NFIX: variants seen among roughly 807,000 people sequenced by gnomAD.
The protein encoded by NFIX is nuclear factor I X, also known as nuclear factor 1 X-type.
A neutral mutation model predicts 53.3 loss-of-function variants in NFIX; 2 were observed. That is an observed-to-expected ratio of 0.04 (90% CI 0.02 to 0.12). The LOEUF (loss-of-function observed/expected upper bound fraction) is 0.12. NFIX is among the 10% of genes least tolerant of loss of function. The pLI, the probability that NFIX is intolerant of heterozygous loss-of-function variation, is 1.00. For synonymous variants in NFIX, 244 were observed against 289.0 expected (o/e 0.84, Z 1.58); for missense variants, 310 against 674.5 (o/e 0.46, Z 5.99).
chr19:13,001,871 C>T lies in NFIX; in HGVS notation c.27+6007C>T, dbSNP rs575785932. Among the ~76,000 whole-genome samples the T allele has an allele frequency of 6.6e-5, 10 of 152,324 alleles. No homozygotes were observed. The highest frequency in any genetic ancestry group is 1.9e-4 in the East Asian group (1 of 5,174). ...GTCCCTTCCCATGAGGTTGAGCGGC[C>T]GCAGTGGCCTTGCTGGGGGCCCCGC... On this transcript the variant is annotated intron_variant, in intron 1 of 10. Transcript: ENST00000592199. The surrounding 1 kb of genome is among the most constrained non-coding windows in gnomAD (Gnocchi z 6.5).
rs950459490 is a variant in NFIX at position 13,095,630 on chromosome 19, T to A, written c.*981T>A. On this transcript the variant is annotated 3_prime_UTR_variant, in exon 11 of 11. Coordinates refer to ENST00000592199, the MANE Select transcript of NFIX (RefSeq NM_001365902.3). ...CTGCCCCTCATGCAGACTGCCCTGCTGGGGCCGGGCCGGAGGGTGGAGCAG... is the reference window on the plus strand; with the variant it reads ...CTGCCCCTCATGCAGACTGCCCTGCAGGGGCCGGGCCGGAGGGTGGAGCAG... 1.3e-5 allele frequency: 2 copies of A among 152,256 alleles called. No individual in the cohort carries two copies. Among genetic ancestry groups the A allele is most frequent in the African/African-American group, 2.4e-5 (1 of 41,378 alleles). The allele number at this position is 152,256 out of a possible 1,614,324, so 9.4% of individuals were successfully genotyped here. A position where few individuals can be genotyped will look rare whatever the true frequency, so the allele number is the denominator to read the frequency against.
intron 1 of NFIX, among the ~76,000 whole-genome samples, chr19:13,017,903 C>T (rs1042506492): frequency 1.3e-5 from 2 of 152,216 alleles, no homozygotes; most frequent in African/African-American, 4.8e-5. Context: ...CTTCCCAAGC[C>T]GGTTAGGTGT....
rs1259209497 is a variant in NFIX at position 13,060,784 on chromosome 19, G to C, written c.560-12263G>C. 2.6e-5 allele frequency among the ~76,000 whole-genome samples: 4 copies of C among 151,796 alleles called. No homozygotes were observed. Among genetic ancestry groups the C allele is most frequent in the African/African-American group, 9.7e-5 (4 of 41,330 alleles). ...GGATGGGGGGGTCGGCCTCACCTCG[G>C]CTAACCTCCCAGCGGAACAAAGGGG... On this transcript the variant is annotated intron_variant, in intron 2 of 10. Coordinates refer to ENST00000592199, the MANE Select transcript of NFIX (RefSeq NM_001365902.3). This position sits in a 1 kb window ranked among gnomAD's most constrained non-coding sequence, Gnocchi z 4.3.
At chr19:13,075,773 C>CA in intron 6 of NFIX, 102 bp downstream of exon 6, 2 of 1,342,740 alleles carry the variant, frequency 1.5e-6, no homozygotes, top group Non-Finnish European at 2.0e-6. Flanking sequence ...GTCCCCCTGT[C>CA]GGGGGGCATT....
At chr19:13,008,341 C>A (rs1194716301) in intron 1 of NFIX, among the ~76,000 whole-genome samples, 1 of 152,162 alleles carries the variant, frequency 6.6e-6, no homozygotes, top group Non-Finnish European at 1.5e-5. Flanking sequence ...AGGTGAGTCC[C>A]TAAAAGTGGG....
intron 2 of NFIX, among the ~76,000 whole-genome samples, chr19:13,053,828 G>A (rs892820963): frequency 3.9e-5 from 6 of 152,112 alleles, no homozygotes; most frequent in Admixed American, 2.0e-4. Context: ...GAGGTGTGGG[G>A]GAACAGACAG....
In NFIX at chr19:13,081,141, A is replaced by G. The variant is rs1469895664; in HGVS notation, c.1079-539A>G. The stretch of plus-strand genomic sequence containing the variant: ...ATGGCAAAATCTCATCTCTAGAAAA[A>G]AAAAAAAGCAAAAATCTACCAGGCC... On this transcript the variant is annotated intron_variant, in intron 7 of 10. Coordinates refer to ENST00000592199, the MANE Select transcript of NFIX (RefSeq NM_001365902.3). This position sits in a 1 kb window ranked among gnomAD's most constrained non-coding sequence, Gnocchi z 4.7. 2.0e-5 allele frequency among the ~76,000 whole-genome samples: 3 copies of G among 151,802 alleles called. No homozygotes were observed. The highest frequency in any genetic ancestry group is 4.4e-5 in the Non-Finnish European group (3 of 67,932).
At chr19:13,084,680 G>A (rs997614259) in intron 8 of NFIX, among the ~76,000 whole-genome samples, 6 of 152,104 alleles carry the variant, frequency 3.9e-5, no homozygotes, top group African/African-American at 1.2e-4. Flanking sequence ...GGGCCCAATG[G>A]GAGAGCATGA....
chr19:13,044,453 G>GGT (rs2014853199), intron 2 of NFIX, among the ~76,000 whole-genome samples: 1 of 152,188 alleles, frequency 6.6e-6, no homozygotes, highest in East Asian at 1.9e-4. Flanking sequence ...TATGGGTTGG[G>GGT]GTGTGTGTGT....
Position 13,068,147 on chromosome 19 carries a change from T to C in NFIX, c.560-4900T>C, listed in dbSNP as rs921653291. Among the ~76,000 whole-genome samples, 2 of 151,676 alleles carry C rather than the reference T, an allele frequency of 1.3e-5. No individual in the cohort carries two copies. Among genetic ancestry groups the C allele is most frequent in the African/African-American group, 2.4e-5 (1 of 41,230 alleles). On this transcript the variant is annotated intron_variant, in intron 2 of 10. Transcript: ENST00000592199. The surrounding 1 kb of genome is among the most constrained non-coding windows in gnomAD (Gnocchi z 4.2). Reference sequence around the variant, plus strand: ...AAAAACAAAAAACAAAAACATGCTGTCAGTTGGAGTTTATGTGCAATCCCA... The same window carrying C: ...AAAAACAAAAAACAAAAACATGCTGCCAGTTGGAGTTTATGTGCAATCCCA...
intron 2 of NFIX, among the ~76,000 whole-genome samples, chr19:13,062,065 C>T (rs908837008): frequency 1.3e-5 from 2 of 152,174 alleles, no homozygotes; most frequent in African/African-American, 4.8e-5. Flanking sequence ...CTGGACAGCT[C>T]TGGACAGTGG....
rs562360387 is a variant in NFIX at position 13,066,008 on chromosome 19, A to G, written c.560-7039A>G. Among the ~76,000 whole-genome samples the G allele has an allele frequency of 7.2e-5, 11 of 152,268 alleles. No individual in the cohort carries two copies. The highest frequency in any genetic ancestry group is 2.1e-4 in the South Asian group (1 of 4,826). On this transcript the variant is annotated intron_variant, in intron 2 of 10. Coordinates refer to ENST00000592199, the MANE Select transcript of NFIX (RefSeq NM_001365902.3). This position sits in a 1 kb window ranked among gnomAD's most constrained non-coding sequence, Gnocchi z 4.2. Reference sequence around the variant, plus strand: ...CTGGAAGGCTTCTGGCTATGAGTCTATCTCCACATGGGGAGTGGAGGCAAC... The same window carrying G: ...CTGGAAGGCTTCTGGCTATGAGTCTGTCTCCACATGGGGAGTGGAGGCAAC...
chr19:13,035,146 C>CAG, intron 2 of NFIX, among the ~76,000 whole-genome samples: 1 of 152,322 alleles, frequency 6.6e-6, no homozygotes, highest in East Asian at 1.9e-4. Flanking sequence ...GGGATTCAGA[C>CAG]AGAATGCCAC....
chr19:13,039,240 A>C (rs1201100837), intron 2 of NFIX, among the ~76,000 whole-genome samples: 1 of 146,342 alleles, frequency 6.8e-6, no homozygotes, highest in African/African-American at 2.7e-5. Context: ...ACACACACAC[A>C]TACACGTGTG....
In NFIX at chr19:13,011,431, C is replaced by CT. The variant is rs921219763; in HGVS notation, c.28-13589dup. On this transcript the variant is annotated intron_variant, in intron 1 of 10. Transcript: ENST00000592199. The surrounding 1 kb of genome is among the most constrained non-coding windows in gnomAD (Gnocchi z 6.5). ...CAGCTCGGGCCGCACGCTACCCGCC[C>CT]TCCAGGCCTTCGCTCCAGGTGCGCC... Among the ~76,000 whole-genome samples the CT allele has an allele frequency of 7.2e-5, 11 of 152,214 alleles. No individual in the cohort carries two copies. Among genetic ancestry groups the CT allele is most frequent in the African/African-American group, 2.7e-4 (11 of 41,468 alleles).
At chr19:13,054,214 T>C (rs540552782) in intron 2 of NFIX, among the ~76,000 whole-genome samples, 223 of 151,632 alleles carry the variant, frequency 1.5e-3, no homozygotes, top group Middle Eastern at 3.4e-3. Context: ...TCGGTGGGGG[T>C]TGGGGGACAA....
chr19:13,079,501 A>G (rs2017328876), intron 7 of NFIX, among the ~76,000 whole-genome samples: 1 of 152,224 alleles, frequency 6.6e-6, no homozygotes, highest in South Asian at 2.1e-4. Context: ...ACCTGGCAGC[A>G]AGAGGCCTGG....
At position 13,043,969 on chromosome 19, in the gene NFIX, T is replaced by A. The variant is rs985417348; in HGVS notation, c.559+18417T>A. On this transcript the variant is annotated intron_variant, in intron 2 of 10. Transcript: ENST00000592199. This position sits in a 1 kb window ranked among gnomAD's most constrained non-coding sequence, Gnocchi z 4.0. ...ACCCCCATCTCTATAAAATAAAATT[T>A]AAAAAAAAAGAAAAAAGAGAAAATC... 2.0e-5 allele frequency among the ~76,000 whole-genome samples: 3 copies of A among 151,032 alleles called. No individual in the cohort carries two copies. The highest frequency in any genetic ancestry group is 1.5e-5 in the Non-Finnish European group (1 of 67,716).
At chr19:13,020,192 C>T in intron 1 of NFIX, among the ~76,000 whole-genome samples, 1 of 152,140 alleles carries the variant, frequency 6.6e-6, no homozygotes, top group East Asian at 1.9e-4. Flanking sequence ...GGAGGCTGGG[C>T]TGGGAACAGG....
Sources: gnomAD v4.1 joint callset for allele counts (sites outside exome capture counted in the v4.1 genomes callset) on GRCh38, gnomAD v4.1.1 for gene constraint, Gnocchi (gnomAD v3.1) non-coding constraint, MANE v1.5 for transcripts, NCBI Gene and HGNC (gene_info 2026-07-23, HGNC 2026-07-21) for gene names.